TF: variants seen among roughly 807,000 people sequenced by gnomAD.
The protein encoded by TF is serotransferrin.
Under a neutral mutation model 82.4 loss-of-function variants are expected in TF, and 55 were observed. The observed-to-expected ratio is 0.67, with a 90% confidence interval of 0.54 to 0.84. The LOEUF is 0.84. TF is among the 40% of genes least tolerant of loss of function. The probability of loss-of-function intolerance (pLI) is 0.00; values close to 1 mark genes in which losing one functional copy is unlikely to be tolerated. For missense variants in TF, 737 were observed against 868.4 expected, an observed-to-expected ratio of 0.85 and a Z score of 1.90; for synonymous variants, 332 against 332.6, an observed-to-expected ratio of 1.00 and a Z score of 0.02.
the TF span, among the ~76,000 whole-genome samples, chr3:133,672,450 A>C: frequency 6.6e-6 from 1 of 151,562 alleles, no homozygotes; most frequent in Admixed American, 6.6e-5. Flanking sequence ...ACACAAATGC[A>C]AAAAATCCTA....
At position 133,780,110 on chromosome 3, in the gene TF, C is replaced by T. The variant is rs1934485833; in HGVS notation, c.*1490C>T. On this transcript the variant is annotated 3_prime_UTR_variant, in exon 17 of 17. Transcript: ENST00000402696. Reference sequence around the variant, plus strand: ...TATCTGGACACAACATTCCACACCTCTCTCAACTGTCTAGTATTCAAGAAA... The same window carrying T: ...TATCTGGACACAACATTCCACACCTTTCTCAACTGTCTAGTATTCAAGAAA... The T allele has an allele frequency of 6.6e-6, 1 of 152,214 alleles. No individual in the cohort carries two copies. Among genetic ancestry groups the T allele is most frequent in the Non-Finnish European group, 1.5e-5 (1 of 68,052 alleles). The allele number at this position is 152,214 out of a possible 1,614,324, so 9.4% of individuals were successfully genotyped here. A position where few individuals can be genotyped will look rare whatever the true frequency, so the allele number is the denominator to read the frequency against.
chr3:133,749,936 A>C (rs1008043749), intron 2 of TF, among the ~76,000 whole-genome samples: 1 of 152,152 alleles, frequency 6.6e-6, no homozygotes, highest in African/African-American at 2.4e-5. Context: ...AGGGCTGGTC[A>C]GTGTAAATGT....
At chr3:133,663,660 A>G in the TF span, among the ~76,000 whole-genome samples, 1,266 of 152,186 alleles carry the variant, frequency 8.3e-3, 8 homozygotes, top group Middle Eastern at 0.02. Flanking sequence ...TGTTATGGAG[A>G]TGGGGAAAGT....
chr3:133,726,161 G>A, the TF span, among the ~76,000 whole-genome samples: 2 of 152,182 alleles, frequency 1.3e-5, no homozygotes, highest in Non-Finnish European at 2.9e-5. Flanking sequence ...TCAGGATGAT[G>A]CTGGCCTCAT....
chr3:133,734,301 C>T, the TF span, among the ~76,000 whole-genome samples: 3 of 152,158 alleles, frequency 2.0e-5, no homozygotes, highest in Non-Finnish European at 2.9e-5. Context: ...AGGTTACGTC[C>T]GTCACCTTAG....
the TF span, among the ~76,000 whole-genome samples, chr3:133,681,658 C>A: frequency 6.6e-6 from 1 of 152,168 alleles, no homozygotes; most frequent in Non-Finnish European, 1.5e-5. Flanking sequence ...GGGGGAGGGG[C>A]GCCCCTCATT....
rs1212438655 is a variant in TF, at chr3:133,753,587, T to A, written c.217-8T>A. The A allele has an allele frequency of 6.2e-7, 1 of 1,613,144 alleles. No individual in the cohort carries two copies. The highest frequency in any genetic ancestry group is 1.7e-5 in the Admixed American group (1 of 60,030). On this transcript the variant is annotated splice_region_variant and splice_polypyrimidine_tract_variant and intron_variant, in intron 2 of 16. Coordinates refer to ENST00000402696, the MANE Select transcript of TF (RefSeq NM_001063.4). ...GGCTTCATCCAGGACTGGCCTGTTC[T>A]CTTTCAGGCAAACGAAGCGGATGCT...
the TF span, among the ~76,000 whole-genome samples, chr3:133,694,021 C>A: frequency 4.6e-5 from 7 of 152,164 alleles, no homozygotes; most frequent in African/African-American, 1.2e-4. Context: ...CCACACACTC[C>A]CTCCGGCATG....
Position 133,770,721 on chromosome 3 carries a change from A to T in TF, c.1687+149A>T, listed in dbSNP as rs1250855973. 4 of 979,114 alleles carry T rather than the reference A, an allele frequency of 4.1e-6. No individual in the cohort carries two copies. In the African/African-American group the frequency reaches 6.4e-5, roughly 16 times the overall value. The allele number at this position is 979,114 out of a possible 1,614,324, so 60.7% of individuals were successfully genotyped here. A position where few individuals can be genotyped will look rare whatever the true frequency, so the allele number is the denominator to read the frequency against. On this transcript the variant is annotated intron_variant, in intron 14 of 16. Transcript: ENST00000402696. ...CAGTCTGTCTGCTCAGTGAAGAGAG[A>T]CATGTTCACCTGAGTGCGCAGAATG...
intron 14 of TF, 109 bp downstream of exon 14, chr3:133,770,681 C>T (rs1013457616): frequency 8.8e-7 from 1 of 1,136,174 alleles, no homozygotes; most frequent in Non-Finnish European, 1.3e-6. Flanking sequence ...TGTCAGACTT[C>T]AAAGCTCTGA....
At chr3:133,731,184 G>A in the TF span, among the ~76,000 whole-genome samples, 11 of 152,102 alleles carry the variant, frequency 7.2e-5, no homozygotes, top group African/African-American at 2.7e-4. Flanking sequence ...AGTTTACTTT[G>A]GCCCTAGGAG....
the TF span, chr3:133,709,464 T>C: frequency 1.3e-5 from 2 of 152,764 alleles, no homozygotes; most frequent in African/African-American, 4.8e-5. Context: ...CTCCTTCCCC[T>C]TCTCTCCCTG....
chr3:133,719,595 G>T, the TF span, among the ~76,000 whole-genome samples: 41 of 152,032 alleles, frequency 2.7e-4, 1 homozygote, highest in African/African-American at 9.4e-4. Flanking sequence ...TGGCTATTTG[G>T]GGTCTTTAGT....
intron 10 of TF, 92 bp from the exon 11 acceptor site, chr3:133,764,783 C>G (rs1934084758): frequency 7.8e-7 from 1 of 1,287,606 alleles, no homozygotes. Context: ...CTCTGACTTT[C>G]TTTATTCTTA....
At chr3:133,672,573 T>C in the TF span, among the ~76,000 whole-genome samples, 1 of 151,836 alleles carries the variant, frequency 6.6e-6, no homozygotes, top group Non-Finnish European at 1.5e-5. Context: ...TAAAAATCAA[T>C]TAAAGGAGTC....
At chr3:133,664,689 G>A in the TF span, among the ~76,000 whole-genome samples, 28 of 152,132 alleles carry the variant, frequency 1.8e-4, no homozygotes, top group Non-Finnish European at 2.8e-4. Flanking sequence ...CTATGTAAAC[G>A]TTTGTTATAC....
At chr3:133,662,643 C>T in the TF span, among the ~76,000 whole-genome samples, 1 of 148,304 alleles carries the variant, frequency 6.7e-6, no homozygotes, top group Non-Finnish European at 1.5e-5. Context: ...ATTCAGATGG[C>T]AGAGAGCAAA....
chr3:133,734,976 A>G, the TF span, among the ~76,000 whole-genome samples: 3 of 152,218 alleles, frequency 2.0e-5, no homozygotes, highest in East Asian at 5.8e-4. Flanking sequence ...TAAATGTAAC[A>G]TGTGGATCTT....
chr3:133,693,738 A>C, the TF span, among the ~76,000 whole-genome samples: 1 of 152,186 alleles, frequency 6.6e-6, no homozygotes, highest in African/African-American at 2.4e-5. Context: ...CTCTGGATAC[A>C]CAAGGGGAGG....
Sources: gnomAD v4.1 joint callset for allele counts (sites outside exome capture counted in the v4.1 genomes callset) on GRCh38, gnomAD v4.1.1 for gene constraint, MANE v1.5 for transcripts, NCBI Gene and HGNC (gene_info 2026-07-23, HGNC 2026-07-21) for gene names.